The following CNTN4 variants were observed in gnomAD, a reference collection of about 807,000 sequenced individuals.
CNTN4 encodes contactin 4.
In CNTN4, 77 loss-of-function variants were observed where a neutral mutation model predicts 122.5. That is an observed-to-expected ratio of 0.63 (90% CI 0.52 to 0.76). The LOEUF (loss-of-function observed/expected upper bound fraction) is 0.76, where lower values mean the gene tolerates loss of function less well. Among genes scored for constraint, CNTN4 ranks in the 30% least tolerant of loss-of-function variants. CNTN4 has a pLI of 0.00. For missense variants in CNTN4, 1,256 were observed against 1,259.1 expected, an observed-to-expected ratio of 1.00 and a Z score of 0.04; for synonymous variants, 512 against 447.0, an observed-to-expected ratio of 1.15 and a Z score of -1.83.
chr3:2,258,409 CA>C (rs1402906809), intron 2 of CNTN4, among the ~76,000 whole-genome samples: 1 of 152,066 alleles, frequency 6.6e-6, no homozygotes, highest in Non-Finnish European at 1.5e-5. Flanking sequence ...TGAATATTAG[CA>C]CAGATTTTCT....
intron 21 of CNTN4, 87 bp from the exon 22 acceptor site, chr3:3,042,890 T>C (rs1700295261): frequency 1.8e-6 from 2 of 1,082,490 alleles, no homozygotes; most frequent in African/African-American, 3.1e-5. Context: ...AACTCCATCA[T>C]AAGAATCTGC....
At chr3:2,296,209 G>T (rs543332642) in intron 2 of CNTN4, among the ~76,000 whole-genome samples, 18 of 152,214 alleles carry the variant, frequency 1.2e-4, no homozygotes, top group Admixed American at 1.0e-3. Context: ...TTCCAGTTCT[G>T]TGAAGAAAGT....
chr3:2,581,602 A>G (rs1246771063), intron 4 of CNTN4, among the ~76,000 whole-genome samples: 1 of 152,200 alleles, frequency 6.6e-6, no homozygotes, highest in African/African-American at 2.4e-5. Flanking sequence ...AGAGTCTTGT[A>G]TTTAGAAAAA....
At chr3:2,735,967 C>A in intron 4 of CNTN4, 1 of 606,874 alleles carries the variant, frequency 1.6e-6, no homozygotes, top group South Asian at 1.4e-5. Flanking sequence ...AAGCAGCCTG[C>A]GCCTGGAAGT....
chr3:2,957,158 T>G (rs748515238), intron 13 of CNTN4, among the ~76,000 whole-genome samples: 1 of 152,162 alleles, frequency 6.6e-6, no homozygotes, highest in African/African-American at 2.4e-5. Context: ...TACGCAGAAG[T>G]GGGATTGCTG....
intron 7 of CNTN4, among the ~76,000 whole-genome samples, chr3:2,842,221 C>T (rs1426152348): frequency 6.6e-6 from 1 of 152,192 alleles, no homozygotes; most frequent in African/African-American, 2.4e-5. Flanking sequence ...GTGAAGAGAA[C>T]CTTGAAACAG....
At chr3:2,288,732 T>C (rs1685440) in intron 2 of CNTN4, among the ~76,000 whole-genome samples, 150,605 of 152,282 alleles carry the variant, frequency 0.99, 74,498 homozygotes, top group Middle Eastern at 1. Flanking sequence ...GTGGAAGGAT[T>C]GTAAGAAGAA....
chr3:2,461,612 C>G (rs563469005), intron 3 of CNTN4, among the ~76,000 whole-genome samples: 1 of 152,304 alleles, frequency 6.6e-6, no homozygotes, highest in African/African-American at 2.4e-5. Context: ...TCTGCTTTAT[C>G]AATGAGTAAA....
intron 14 of CNTN4, among the ~76,000 whole-genome samples, chr3:3,012,473 A>G (rs920175776): frequency 4.6e-5 from 7 of 151,928 alleles, no homozygotes; most frequent in South Asian, 2.1e-4. Flanking sequence ...TTTTTGAGAC[A>G]CAGTCTCACA....
At chr3:2,252,790 G>C (rs987561330) in intron 2 of CNTN4, among the ~76,000 whole-genome samples, 1 of 151,880 alleles carries the variant, frequency 6.6e-6, no homozygotes, top group Non-Finnish European at 1.5e-5. Flanking sequence ...TGTAACATTT[G>C]GTTCTTTCTG....
At chr3:2,677,554 G>T (rs2084942046) in intron 4 of CNTN4, among the ~76,000 whole-genome samples, 1 of 147,622 alleles carries the variant, frequency 6.8e-6, no homozygotes, top group African/African-American at 2.5e-5. Context: ...CTTACGACTG[G>T]TTTATCTTAA....
At chr3:2,300,017 C>T (rs952924288) in intron 2 of CNTN4, among the ~76,000 whole-genome samples, 1 of 152,032 alleles carries the variant, frequency 6.6e-6, no homozygotes, top group Non-Finnish European at 1.5e-5. Context: ...GAAGGTAAGT[C>T]CCATAACAGC....
At chr3:2,287,228 C>G (rs962303086) in intron 2 of CNTN4, among the ~76,000 whole-genome samples, 2 of 152,144 alleles carry the variant, frequency 1.3e-5, no homozygotes, top group African/African-American at 4.8e-5. Flanking sequence ...CATTGTAACT[C>G]TAGCATACAA....
At chr3:2,972,721 C>A (rs969282762) in intron 13 of CNTN4, among the ~76,000 whole-genome samples, 2 of 152,054 alleles carry the variant, frequency 1.3e-5, no homozygotes, top group Non-Finnish European at 2.9e-5. Flanking sequence ...CAGAAAACTC[C>A]TTTACATATA....
At chr3:2,573,324 C>T (rs184182433) in intron 4 of CNTN4, among the ~76,000 whole-genome samples, 2 of 152,272 alleles carry the variant, frequency 1.3e-5, no homozygotes, top group African/African-American at 4.8e-5. Context: ...TTCCCCGCTG[C>T]ATGATTGTGA....
chr3:2,296,589 T>A (rs1358452790), intron 2 of CNTN4, among the ~76,000 whole-genome samples: 1 of 152,124 alleles, frequency 6.6e-6, no homozygotes, highest in African/African-American at 2.4e-5. Context: ...CTGGGAAGAA[T>A]GATTTGTCTC....
intron 4 of CNTN4, among the ~76,000 whole-genome samples, chr3:2,726,450 T>A (rs572024372): frequency 6.6e-6 from 1 of 152,212 alleles, no homozygotes; most frequent in Non-Finnish European, 1.5e-5. Context: ...GTAGGAGGGT[T>A]GGTTCACCAA....
At chr3:2,355,192 G>A (rs942828845) in intron 3 of CNTN4, among the ~76,000 whole-genome samples, 9 of 152,184 alleles carry the variant, frequency 5.9e-5, no homozygotes, top group African/African-American at 2.2e-4. Context: ...TCAAAGCATA[G>A]TGATAGAATT....
At chr3:2,652,021 G>GTT (rs1367061497) in intron 4 of CNTN4, among the ~76,000 whole-genome samples, 193 of 143,982 alleles carry the variant, frequency 1.3e-3, no homozygotes, top group African/African-American at 4.5e-3. Flanking sequence ...AAAAGGTGTT[G>GTT]TTTTTTTTTT....
Sources: gnomAD v4.1 joint callset for allele counts (sites outside exome capture counted in the v4.1 genomes callset) on GRCh38, gnomAD v4.1.1 for gene constraint, MANE v1.5 for transcripts, NCBI Gene and HGNC (gene_info 2026-07-23, HGNC 2026-07-21) for gene names.